The following UBAP2 variants were observed in gnomAD, a reference collection of about 807,000 sequenced individuals.
The protein encoded by UBAP2 is ubiquitin associated protein 2.
Under a neutral mutation model 139.6 loss-of-function variants are expected in UBAP2, and 75 were observed. The observed-to-expected ratio is 0.54, with a 90% CI of 0.45 to 0.65. UBAP2 has a LOEUF of 0.65. Ranked by LOEUF, UBAP2 falls within the 30% of genes least tolerant of loss-of-function variation. The pLI is 0.00. For synonymous variants in UBAP2, 526 were observed against 526.2 expected, an observed-to-expected ratio of 1.00 and a Z score of 0.01; for missense variants, 1,368 against 1,369.6, an observed-to-expected ratio of 1.00 and a Z score of 0.02.
chr9:34,010,132 A>C (rs1823622083), intron 2 of UBAP2, among the ~76,000 whole-genome samples: 1 of 149,534 alleles, frequency 6.7e-6, no homozygotes, highest in South Asian at 2.1e-4. Context: ...TAAAAAAAAA[A>C]AAAAAAAACA....
chr9:33,960,939 A>C (rs765317295), intron 9 of UBAP2, 61 bp from the exon 10 acceptor site: 2 of 1,531,730 alleles, frequency 1.3e-6, no homozygotes, highest in African/African-American at 2.7e-5. Context: ...TCTCAGTCCA[A>C]ATGATTCCTT....
At chr9:33,988,934 GA>G (rs772096627) in intron 5 of UBAP2, 38 bp downstream of exon 5, 1 of 1,583,770 alleles carries the variant, frequency 6.3e-7, no homozygotes, top group East Asian at 2.3e-5. Context: ...CACTTGAGAT[GA>G]AAGAAGAGAA....
chr9:33,950,544 A>G (rs770210098), intron 12 of UBAP2, among the ~76,000 whole-genome samples: 3 of 152,252 alleles, frequency 2.0e-5, no homozygotes, highest in Non-Finnish European at 2.9e-5. Flanking sequence ...GCTGTGACAG[A>G]GATTGCTCAT....
chr9:33,968,763 A>C (rs550438314), intron 8 of UBAP2, among the ~76,000 whole-genome samples: 17 of 152,324 alleles, frequency 1.1e-4, no homozygotes, highest in Admixed American at 3.3e-4. Flanking sequence ...CAATTTGTGC[A>C]ATCATCACCT....
At chr9:34,024,664 A>C (rs1021191707) in intron 1 of UBAP2, among the ~76,000 whole-genome samples, 1 of 152,076 alleles carries the variant, frequency 6.6e-6, no homozygotes, top group East Asian at 1.9e-4. Flanking sequence ...TCAACAGACA[A>C]ATTTTCCCGT....
At chr9:33,983,308 A>G (rs1820929918) in intron 6 of UBAP2, among the ~76,000 whole-genome samples, 1 of 152,202 alleles carries the variant, frequency 6.6e-6, no homozygotes, top group Non-Finnish European at 1.5e-5. Flanking sequence ...GTCAAAGGGT[A>G]AAAGTAAAGG....
chr9:34,007,729 C>T (rs62558766), intron 2 of UBAP2, among the ~76,000 whole-genome samples: 5 of 151,246 alleles, frequency 3.3e-5, no homozygotes, highest in African/African-American at 7.3e-5. Context: ...AGCTCTGCCT[C>T]CCCGATTCAC....
intron 2 of UBAP2, among the ~76,000 whole-genome samples, 182 bp downstream of exon 2, chr9:34,016,868 G>A (rs1363247001): frequency 2.6e-4 from 39 of 151,932 alleles, no homozygotes; most frequent in Admixed American, 2.6e-3. Flanking sequence ...ATCACCTACT[G>A]TTTAAACAAA....
At chr9:33,966,544 G>A (rs2131032577) in intron 8 of UBAP2, among the ~76,000 whole-genome samples, 1 of 152,238 alleles carries the variant, frequency 6.6e-6, no homozygotes, top group South Asian at 2.1e-4. Flanking sequence ...CGATCAATTT[G>A]GAGAGAAATG....
chr9:34,001,746 T>C (rs1214504947), intron 2 of UBAP2, among the ~76,000 whole-genome samples: 1 of 152,132 alleles, frequency 6.6e-6, no homozygotes, highest in Non-Finnish European at 1.5e-5. Context: ...AACACTATTA[T>C]TTTCTGCTCC....
Position 34,035,514 on chromosome 9 carries a change from A to AAAAAAAAAAT in UBAP2, c.-42+13310_-42+13311insATTTTTTTTT. ...GAGACTCCATCTAAAAAAAAAAAAA[A>AAAAAAAAAAT]ATATATATATATAAAGATTAGCCAG... On this transcript the variant is annotated intron_variant, in intron 1 of 28. Transcript: ENST00000379238. Among the ~76,000 whole-genome samples, 14 of 22,482 alleles carry AAAAAAAAAAT rather than the reference A, an allele frequency of 6.2e-4. 2 individuals are homozygous for AAAAAAAAAAT. Among genetic ancestry groups the AAAAAAAAAAT allele is most frequent in the East Asian group, 5.4e-3 (3 of 556 alleles). The allele number at this position is 22,482 out of a possible 152,430, so 14.7% of individuals were successfully genotyped here.
At chr9:33,944,703 G>A in intron 13 of UBAP2, 64 bp from the exon 14 acceptor site, 1 of 1,512,100 alleles carries the variant, frequency 6.6e-7, no homozygotes, top group South Asian at 1.2e-5. Context: ...AATAGAACAT[G>A]AAGTGTTCTA....
At chr9:33,938,163 T>C (rs1824764954) in intron 16 of UBAP2, among the ~76,000 whole-genome samples, 1 of 151,862 alleles carries the variant, frequency 6.6e-6, no homozygotes, top group African/African-American at 2.4e-5. Context: ...CACCTAATTA[T>C]TATTATTATT....
chr9:33,935,118 AT>A (rs1362795897), intron 17 of UBAP2, among the ~76,000 whole-genome samples: 1 of 132,512 alleles, frequency 7.5e-6, no homozygotes, highest in East Asian at 2.3e-4. Context: ...CAATTAACGG[AT>A]TTACCTGCAC....
At chr9:33,923,130 T>C in intron 26 of UBAP2, 56 bp downstream of exon 26, 1 of 1,612,304 alleles carries the variant, frequency 6.2e-7, no homozygotes. Context: ...TGAGAGGGGA[T>C]CAGGCAGGAG....
intron 6 of UBAP2, among the ~76,000 whole-genome samples, 190 bp downstream of exon 6, chr9:33,986,570 C>G (rs1411704516): frequency 6.6e-6 from 1 of 152,130 alleles, no homozygotes; most frequent in Non-Finnish European, 1.5e-5. Context: ...CAAAAACAAC[C>G]CTTTGGTTTC....
intron 16 of UBAP2, among the ~76,000 whole-genome samples, chr9:33,938,257 T>C (rs140981035): frequency 2.6e-5 from 4 of 152,012 alleles, no homozygotes; most frequent in South Asian, 2.1e-4. Flanking sequence ...GTCTCCCAAA[T>C]TGCCAGGACC....
intron 15 of UBAP2, among the ~76,000 whole-genome samples, chr9:33,942,311 G>GA (rs1223381627): frequency 2.0e-5 from 3 of 151,030 alleles, no homozygotes; most frequent in Admixed American, 1.3e-4. Flanking sequence ...ACTCTGTCTA[G>GA]AAAAAAAGAA....
At chr9:34,021,973 C>T (rs997612922) in intron 1 of UBAP2, among the ~76,000 whole-genome samples, 22 of 151,996 alleles carry the variant, frequency 1.4e-4, no homozygotes, top group African/African-American at 4.3e-4. Flanking sequence ...GGCCAGGCAC[C>T]GTGGCTCACA....
Sources: gnomAD v4.1 joint callset for allele counts (sites outside exome capture counted in the v4.1 genomes callset) on GRCh38, gnomAD v4.1.1 for gene constraint, MANE v1.5 for transcripts, NCBI Gene and HGNC (gene_info 2026-07-23, HGNC 2026-07-21) for gene names.